ACOX2: variants seen among roughly 807,000 people sequenced by gnomAD.
The protein encoded by ACOX2 is peroxisomal acyl-coenzyme A oxidase 2.
In ACOX2, 59 loss-of-function variants were observed where a neutral mutation model predicts 77.5. That is an observed-to-expected ratio of 0.76 (90% CI 0.62 to 0.95). The LOEUF (loss-of-function observed/expected upper bound fraction) is 0.95, where lower values mean the gene tolerates loss of function less well. Ranked by LOEUF, ACOX2 falls within the 40% of genes least tolerant of loss-of-function variation. The pLI, the probability that ACOX2 is intolerant of heterozygous loss-of-function variation, is 0.00. For missense variants in ACOX2, 837 were observed against 880.4 expected (o/e 0.95, Z 0.62); for synonymous variants, 317 against 340.1 (o/e 0.93, Z 0.75).
intron 5 of ACOX2, among the ~76,000 whole-genome samples, chr3:58,532,060 C>T (rs1375990308): frequency 6.6e-6 from 1 of 152,066 alleles, no homozygotes; most frequent in African/African-American, 2.4e-5. Flanking sequence ...TGTCATCAAC[C>T]TTATAATAAT....
Position 58,526,576 on chromosome 3 carries a change from A to C in ACOX2, c.1236T>G (p.Cys412Trp), listed in dbSNP as rs2063396858. 1 of 1,614,220 alleles carries C rather than the reference A, an allele frequency of 6.2e-7. No individual in the cohort carries two copies. Among genetic ancestry groups the C allele is most frequent in the Non-Finnish European group, 8.5e-7 (1 of 1,180,038 alleles). Residue 412 changes from cysteine (C) to tryptophan (W), a missense_variant, in exon 10 of 15, where the codon TGT becomes TGG. Cys to Trp is a radical substitution (Grantham distance 215). Coordinates refer to ENST00000302819, the MANE Select transcript of ACOX2 (RefSeq NM_003500.4). This position sits in a 1 kb window ranked among gnomAD's most constrained non-coding sequence, Gnocchi z 4.3. ...TCAGCTTTGAGTAGCCATGTCCGCC[A>C]CAGGCCCTGCGGCACATCTCAGCTC... ...TQGAEMCRRA[C>W]GGHGYSKLSG...
chr3:58,513,939 C>T (rs1362706569), intron 13 of ACOX2, among the ~76,000 whole-genome samples: 1 of 152,102 alleles, frequency 6.6e-6, no homozygotes, highest in Non-Finnish European at 1.5e-5. Flanking sequence ...ATCATCTTAC[C>T]ATCTTCTTGC....
Position 58,531,673 on chromosome 3 carries a change from A to G in ACOX2, c.703+20T>C. On this transcript the variant is annotated intron_variant, in intron 6 of 14. Coordinates refer to ENST00000302819, the MANE Select transcript of ACOX2 (RefSeq NM_003500.4). The surrounding 1 kb of genome is among the most constrained non-coding windows in gnomAD (Gnocchi z 5.8). ...GCTCTCCTCCTGGCAGGGTTCCTTG[A>G]GGGAGCATTATGGGCTTACCTGGCA... 6.8e-6 allele frequency: 11 copies of G among 1,612,140 alleles called. No homozygotes were observed. The highest frequency in any genetic ancestry group is 1.3e-5 in the African/African-American group (1 of 74,976).
chr3:58,516,426 G>C (rs1228456170), intron 13 of ACOX2, among the ~76,000 whole-genome samples: 2 of 152,206 alleles, frequency 1.3e-5, no homozygotes, highest in Admixed American at 1.3e-4. Context: ...CCATCAGCCT[G>C]AATTTCCTTT....
Position 58,533,567 on chromosome 3 carries a change from G to A in ACOX2, c.476-15C>T, listed in dbSNP as rs552458721. On this transcript the variant is annotated splice_polypyrimidine_tract_variant and intron_variant, in intron 4 of 14. Transcript: ENST00000302819. The surrounding 1 kb of genome is among the most constrained non-coding windows in gnomAD (Gnocchi z 5.6). The stretch of plus-strand genomic sequence containing the variant: ...AAGATATGTCCCTTAGGATCAAGGA[G>A]AGGTGTTAGACATTGGCCTGAGGTG... 3 of 1,612,834 alleles carry A rather than the reference G, an allele frequency of 1.9e-6. No individual in the cohort carries two copies. In the East Asian group the frequency reaches 6.7e-5, roughly 36 times the overall value.
Position 58,512,938 on chromosome 3 carries a change from G to T in ACOX2, c.1851-3913C>A, listed in dbSNP as rs1479520378. ...TCACATGATGACAGACTCACCTGAAGACACATTTCTCAGAACGGATCCTCC... is the reference window on the plus strand; with the variant it reads ...TCACATGATGACAGACTCACCTGAATACACATTTCTCAGAACGGATCCTCC... On this transcript the variant is annotated intron_variant, in intron 13 of 14. Coordinates refer to ENST00000302819, the MANE Select transcript of ACOX2 (RefSeq NM_003500.4). This position sits in a 1 kb window ranked among gnomAD's most constrained non-coding sequence, Gnocchi z 4.8. Among the ~76,000 whole-genome samples the T allele has an allele frequency of 6.6e-6, 1 of 152,190 alleles. No homozygotes were observed. Among genetic ancestry groups the T allele is most frequent in the African/African-American group, 2.4e-5 (1 of 41,450 alleles).
intron 13 of ACOX2, among the ~76,000 whole-genome samples, chr3:58,510,605 C>T (rs1277743310): frequency 4.1e-5 from 5 of 120,982 alleles, no homozygotes; most frequent in African/African-American, 1.6e-4. Context: ...TGCACTCCAG[C>T]TTGGGCAACA....
rs1208953004 is a variant in ACOX2, at chr3:58,534,756, T to C, written c.160+191A>G. Reference sequence around the variant, plus strand: ...GGTCTTCTGCTGCCTAGGACTCTTCTATCCCCTAGGTGGGCTCAGGCAATA... The same window carrying C: ...GGTCTTCTGCTGCCTAGGACTCTTCCATCCCCTAGGTGGGCTCAGGCAATA... On this transcript the variant is annotated intron_variant, in intron 2 of 14. Coordinates refer to ENST00000302819, the MANE Select transcript of ACOX2 (RefSeq NM_003500.4). The surrounding 1 kb of genome is among the most constrained non-coding windows in gnomAD (Gnocchi z 4.8). The C allele has an allele frequency of 7.6e-7, 1 of 1,324,256 alleles. No individual in the cohort carries two copies. The highest frequency in any genetic ancestry group is 1.4e-5 in the African/African-American group (1 of 69,302). The allele number at this position is 1,324,256 out of a possible 1,614,324, so 82.0% of individuals were successfully genotyped here.
rs1576992570 is a variant in ACOX2 at position 58,519,680 on chromosome 3, T to G, written c.1633-2257A>C. Among the ~76,000 whole-genome samples the G allele has an allele frequency of 6.6e-6, 1 of 152,146 alleles. No homozygotes were observed. The highest frequency in any genetic ancestry group is 6.5e-5 in the Admixed American group (1 of 15,274). On this transcript the variant is annotated intron_variant, in intron 12 of 14. Transcript: ENST00000302819. The surrounding 1 kb of genome is among the most constrained non-coding windows in gnomAD (Gnocchi z 5.0). ...AGCTGGGCAGTGACCCGATCCGCTT[T>G]CTCACTTGGAAAGAACTTGTGTTTC...
chr3:58,516,067 T>A (rs1374094858), intron 13 of ACOX2, among the ~76,000 whole-genome samples: 4 of 152,276 alleles, frequency 2.6e-5, no homozygotes, highest in African/African-American at 9.6e-5. Flanking sequence ...AGCAATCGTT[T>A]AGATTATAGA....
rs1299379134 is a variant in ACOX2 at position 58,519,887 on chromosome 3, C to T, written c.1633-2464G>A. On this transcript the variant is annotated intron_variant, in intron 12 of 14. Transcript: ENST00000302819. This position sits in a 1 kb window ranked among gnomAD's most constrained non-coding sequence, Gnocchi z 5.0. ...GTCCAGCTTGGCAGAACTGCGGACC[C>T]GCACTCCTTTTCCTGTCCTAATCTG... Among the ~76,000 whole-genome samples the T allele has an allele frequency of 1.3e-5, 2 of 152,224 alleles. No individual in the cohort carries two copies. Among genetic ancestry groups the T allele is most frequent in the Non-Finnish European group, 1.5e-5 (1 of 68,044 alleles).
intron 8 of ACOX2, 199 bp from the exon 9 acceptor site, chr3:58,529,155 C>T (rs1560218805): frequency 4.0e-6 from 2 of 498,028 alleles, no homozygotes; most frequent in Non-Finnish European, 6.8e-6. Flanking sequence ...GGAATACTGA[C>T]ACATTTGTTG....
chr3:58,535,008 C>CACCA lies in ACOX2; in HGVS notation c.98_99insTGGT (p.Glu34GlyfsTer9). The CACCA allele has an allele frequency of 1.2e-6, 2 of 1,614,198 alleles. No individual in the cohort carries two copies. Among genetic ancestry groups the CACCA allele is most frequent in the Non-Finnish European group, 1.7e-6 (2 of 1,180,034 alleles). On this transcript the variant is annotated frameshift_variant, in exon 2 of 15. Coordinates refer to ENST00000302819, the MANE Select transcript of ACOX2 (RefSeq NM_003500.4). LOFTEE classifies it high-confidence loss of function. The surrounding 1 kb of genome is among the most constrained non-coding windows in gnomAD (Gnocchi z 4.8). ...CATCAAGGATGTTGGTGAGCCGTTC[C>CACCA]ACGTCAAAGGACTGCATATACCTCT...
At chr3:58,529,133 C>T (rs1423366417) in intron 8 of ACOX2, 177 bp from the exon 9 acceptor site, 4 of 554,344 alleles carry the variant, frequency 7.2e-6, no homozygotes, top group Non-Finnish European at 1.2e-5. Context: ...AACATCCACA[C>T]ATTTCACTGC....
In ACOX2 at chr3:58,534,351, A is replaced by G. The variant is rs2108012807; in HGVS notation, c.323+9T>C. ...CCCTCTCTAGTGGGGCTGCTCGAGG[A>G]GTGAGCACCTGTAAGCGTAGCCTAA... On this transcript the variant is annotated intron_variant, in intron 3 of 14. Coordinates refer to ENST00000302819, the MANE Select transcript of ACOX2 (RefSeq NM_003500.4). The surrounding 1 kb of genome is among the most constrained non-coding windows in gnomAD (Gnocchi z 4.8). 6.2e-7 allele frequency: 1 copy of G among 1,614,090 alleles called. No individual in the cohort carries two copies. Among genetic ancestry groups the G allele is most frequent in the Non-Finnish European group, 8.5e-7 (1 of 1,179,980 alleles).
Position 58,531,948 on chromosome 3 carries a change from G to A in ACOX2, c.584-136C>T, listed in dbSNP as rs937430253. 4.5e-6 allele frequency: 6 copies of A among 1,323,398 alleles called. No homozygotes were observed. In the African/African-American group the frequency reaches 5.9e-5, roughly 13 times the overall value. The allele number at this position is 1,323,398 out of a possible 1,614,324, so 82.0% of individuals were successfully genotyped here. A position where few individuals can be genotyped will look rare whatever the true frequency, so the allele number is the denominator to read the frequency against. ...AAAAGTCACTGATCAAAGAGAGAGG[G>A]GATTGCCCCCAAAGAACCAAGCAAA... On this transcript the variant is annotated intron_variant, in intron 5 of 14. Transcript: ENST00000302819. This position sits in a 1 kb window ranked among gnomAD's most constrained non-coding sequence, Gnocchi z 5.8.
Position 58,525,911 on chromosome 3 carries a change from G to A in ACOX2, c.1346+555C>T, listed in dbSNP as rs1197643603. On this transcript the variant is annotated intron_variant, in intron 10 of 14. Transcript: ENST00000302819. This position sits in a 1 kb window ranked among gnomAD's most constrained non-coding sequence, Gnocchi z 5.0. ...GGTGGTGTGTAATCCCAGCTACTGC[G>A]GAGGCTAAGGCAGGAGAATTGCTTG... Among the ~76,000 whole-genome samples, 4 of 152,072 alleles carry A rather than the reference G, an allele frequency of 2.6e-5. No individual in the cohort carries two copies. Among genetic ancestry groups the A allele is most frequent in the Non-Finnish European group, 4.4e-5 (3 of 68,020 alleles).
rs2063399171 is a variant in ACOX2, at chr3:58,526,807, G to T, written c.1156-151C>A. The T allele has an allele frequency of 1.2e-6, 1 of 828,686 alleles. No homozygotes were observed. The allele number at this position is 828,686 out of a possible 1,614,324, so 51.3% of individuals were successfully genotyped here. ...TGCTCACAACTTTATGAATGAGAAG[G>T]CGGGTACTCAGCTTATGTGACTCAC... On this transcript the variant is annotated intron_variant, in intron 9 of 14. Coordinates refer to ENST00000302819, the MANE Select transcript of ACOX2 (RefSeq NM_003500.4). The surrounding 1 kb of genome is among the most constrained non-coding windows in gnomAD (Gnocchi z 4.3).
intron 7 of ACOX2, 39 bp from the exon 8 acceptor site, chr3:58,530,677 G>A: frequency 6.3e-7 from 1 of 1,593,188 alleles, no homozygotes; most frequent in Non-Finnish European, 8.6e-7. Flanking sequence ...CTGGGCCAAG[G>A]CTTCCCAGGA....
Sources: gnomAD v4.1 joint callset for allele counts (sites outside exome capture counted in the v4.1 genomes callset) on GRCh38, gnomAD v4.1.1 for gene constraint, Gnocchi (gnomAD v3.1) non-coding constraint, MANE v1.5 for transcripts, NCBI Gene and HGNC (gene_info 2026-07-23, HGNC 2026-07-21) for gene names.